MCOLN2: variants seen among roughly 807,000 people sequenced by gnomAD.
MCOLN2 encodes the protein mucolipin-2.
MCOLN2 carries 57 observed loss-of-function variants against 67.5 expected under a neutral mutation model. That is an observed-to-expected ratio of 0.84 (90% CI 0.68 to 1.05). MCOLN2 has a LOEUF of 1.05. Among genes scored for constraint, MCOLN2 ranks in the 50% least tolerant of loss-of-function variants. The pLI is 0.00. For synonymous variants in MCOLN2, 246 were observed against 233.3 expected, an observed-to-expected ratio of 1.05 and a Z score of -0.50; for missense variants, 620 against 678.8, an observed-to-expected ratio of 0.91 and a Z score of 0.96.
At chr1:84,968,321 C>G (rs993062476) in intron 1 of MCOLN2, among the ~76,000 whole-genome samples, 2 of 152,186 alleles carry the variant, frequency 1.3e-5, no homozygotes, top group African/African-American at 4.8e-5. Context: ...TGTGGGCCTG[C>G]TTGGTTCTGG....
intron 7 of MCOLN2, among the ~76,000 whole-genome samples, chr1:84,942,322 T>C (rs1647832991): frequency 6.6e-6 from 1 of 152,086 alleles, no homozygotes; most frequent in African/African-American, 2.4e-5. Flanking sequence ...CAGTGTAGAA[T>C]GGGAAAGAAC....
intron 12 of MCOLN2, among the ~76,000 whole-genome samples, chr1:84,930,688 G>A (rs1661364657): frequency 6.6e-6 from 1 of 152,120 alleles, no homozygotes; most frequent in African/African-American, 2.4e-5. Context: ...CTGAGAAAGT[G>A]GTTAAGCAGA....
rs370435882 is a variant in MCOLN2 at position 84,986,460 on chromosome 1, T to C, written c.77+10336A>G. On this transcript the variant is annotated intron_variant, in intron 1 of 13. Coordinates refer to ENST00000370608, the MANE Select transcript of MCOLN2 (RefSeq NM_153259.4). Reference sequence around the variant, plus strand: ...AGGGAGGCTGAGGCAGGAGAATCACTTGAACCCAGGAGGCGGAGGTTGCAA... The same window carrying C: ...AGGGAGGCTGAGGCAGGAGAATCACCTGAACCCAGGAGGCGGAGGTTGCAA... 4.4e-4 allele frequency among the ~76,000 whole-genome samples: 67 copies of C among 151,450 alleles called. 1 individual carries two copies. The highest frequency in any genetic ancestry group is 1.6e-3 in the African/African-American group (67 of 41,242).
At chr1:84,965,361 CT>C (rs1414787976) in intron 2 of MCOLN2, among the ~76,000 whole-genome samples, 187 bp downstream of exon 2, 4 of 152,190 alleles carry the variant, frequency 2.6e-5, no homozygotes, top group Non-Finnish European at 5.9e-5. Context: ...CCCTCAGGAT[CT>C]CTTACTATGA....
rs1553154757 is a variant in MCOLN2, at chr1:84,947,329, C to CACACAT, written c.748-198_748-197insATGTGT. On this transcript the variant is annotated intron_variant, in intron 6 of 13. Coordinates refer to ENST00000370608, the MANE Select transcript of MCOLN2 (RefSeq NM_153259.4). ...CACCACACACACACACACACACACA[C>CACACAT]GGGACCAAAATAATGAATAAACAAC... Among the ~76,000 whole-genome samples, 615 of 140,120 alleles carry CACACAT rather than the reference C, an allele frequency of 4.4e-3. 7 individuals are homozygous for CACACAT. The highest frequency in any genetic ancestry group is 0.018 in the African/African-American group (529 of 30,162). 91.9% of individuals were successfully genotyped at this position (140,120 alleles called of 152,430 possible).
At chr1:84,995,339 T>C (rs1228625925) in intron 1 of MCOLN2, among the ~76,000 whole-genome samples, 1 of 152,156 alleles carries the variant, frequency 6.6e-6, no homozygotes, top group African/African-American at 2.4e-5. Context: ...TAAAATAAAA[T>C]TGAATTAAAT....
chr1:84,961,542 G>C (rs951936016), intron 2 of MCOLN2, among the ~76,000 whole-genome samples: 1 of 152,090 alleles, frequency 6.6e-6, no homozygotes, highest in African/African-American at 2.4e-5. Flanking sequence ...AACAAGCCAA[G>C]ATAAAAATGT....
chr1:84,931,292 G>T lies in MCOLN2; in HGVS notation c.1542+70C>A, dbSNP rs145642896. 1.4e-4 allele frequency: 133 copies of T among 957,990 alleles called. 1 individual carries two copies. In the African/African-American group the frequency reaches 2.1e-3, roughly 15 times the overall value. The allele number at this position is 957,990 out of a possible 1,614,324, so 59.3% of individuals were successfully genotyped here. A position where few individuals can be genotyped will look rare whatever the true frequency, so the allele number is the denominator to read the frequency against. On this transcript the variant is annotated intron_variant, in intron 12 of 13. Transcript: ENST00000370608. ...CTGTAATATTTTAAGTTTTTAAAAT[G>T]TGGTATTTTCCTATAATCTATATAG...
At chr1:84,989,235 C>A (rs923187458) in intron 1 of MCOLN2, among the ~76,000 whole-genome samples, 4 of 152,020 alleles carry the variant, frequency 2.6e-5, no homozygotes, top group Non-Finnish European at 4.4e-5. Flanking sequence ...CTTGACTACA[C>A]GAACTTTTCC....
chr1:84,967,493 C>T (rs1649438763), intron 1 of MCOLN2, among the ~76,000 whole-genome samples: 1 of 152,132 alleles, frequency 6.6e-6, no homozygotes, highest in African/African-American at 2.4e-5. Context: ...GACTGATGAT[C>T]TATGTTATCT....
chr1:84,936,872 T>C (rs1047944207), intron 11 of MCOLN2, among the ~76,000 whole-genome samples: 2 of 152,238 alleles, frequency 1.3e-5, no homozygotes, highest in African/African-American at 4.8e-5. Flanking sequence ...TTACCATTTT[T>C]AACCTCTTTT....
At chr1:84,938,204 GT>G (rs200803984) in intron 9 of MCOLN2, 122 bp from the exon 10 acceptor site, 93 of 465,508 alleles carry the variant, frequency 2.0e-4, no homozygotes, top group Admixed American at 7.3e-4. Context: ...AGGTGATAGA[GT>G]TTTTTTTTGA....
intron 11 of MCOLN2, 174 bp downstream of exon 11, chr1:84,937,581 T>A: frequency 7.2e-7 from 1 of 1,387,402 alleles, no homozygotes; most frequent in African/African-American, 1.4e-5. Flanking sequence ...TATCCTGTAG[T>A]CACTTCTATA....
rs182454084 is a variant in MCOLN2 at position 84,959,101 on chromosome 1, T to A, written c.238-399A>T. 9.4e-4 allele frequency among the ~76,000 whole-genome samples: 143 copies of A among 152,364 alleles called. 1 individual carries two copies. The highest frequency in any genetic ancestry group is 3.4e-3 in the Middle Eastern group (1 of 294). ...ATTTAAGATTTAGAAATTGTAGTAT[T>A]TTTTAAAATCACAACTATGTTTTAC... On this transcript the variant is annotated intron_variant, in intron 2 of 13. Transcript: ENST00000370608.
At chr1:84,952,698 T>C (rs1170941052) in intron 4 of MCOLN2, among the ~76,000 whole-genome samples, 168 bp from the exon 5 acceptor site, 1 of 152,218 alleles carries the variant, frequency 6.6e-6, no homozygotes, top group Non-Finnish European at 1.5e-5. Context: ...CACAGACACC[T>C]GTCAAGTGAA....
At chr1:84,977,769 A>C (rs1650065217) in intron 1 of MCOLN2, among the ~76,000 whole-genome samples, 1 of 152,200 alleles carries the variant, frequency 6.6e-6, no homozygotes. Flanking sequence ...AATAAGAGAG[A>C]TAGGCCCCAA....
intron 7 of MCOLN2, among the ~76,000 whole-genome samples, chr1:84,943,766 C>T (rs1647926852): frequency 6.6e-6 from 1 of 152,158 alleles, no homozygotes; most frequent in Non-Finnish European, 1.5e-5. Flanking sequence ...GGAGGGCAAG[C>T]GTACTGGTTC....
chr1:84,979,576 T>C (rs1200501278), intron 1 of MCOLN2, among the ~76,000 whole-genome samples: 1 of 152,096 alleles, frequency 6.6e-6, no homozygotes, highest in Non-Finnish European at 1.5e-5. Flanking sequence ...ATAAAAACAA[T>C]ATGATCATTT....
intron 11 of MCOLN2, among the ~76,000 whole-genome samples, chr1:84,932,007 C>A (rs987047355): frequency 3.3e-5 from 5 of 149,752 alleles, no homozygotes; most frequent in African/African-American, 1.2e-4. Flanking sequence ...CTGGGGGACA[C>A]AGCGAGACCC....
Sources: allele counts gnomAD v4.1 joint callset (sites outside exome capture counted in the v4.1 genomes callset), GRCh38; gene constraint gnomAD v4.1.1; transcripts MANE v1.5; gene names NCBI Gene and HGNC (gene_info 2026-07-23, HGNC 2026-07-21).